Variants in GNL3L observed in about 807,000 individuals in gnomAD.
GNL3L encodes G protein nucleolar 3 like, also known as guanine nucleotide-binding protein-like 3-like protein.
A neutral mutation model predicts 42.9 loss-of-function variants in GNL3L; 4 were observed. The observed-to-expected ratio is 0.09, with a 90% CI of 0.05 to 0.21. The LOEUF (loss-of-function observed/expected upper bound fraction) is 0.21, where lower values mean the gene tolerates loss of function less well. Ranked by LOEUF, GNL3L falls within the 10% of genes least tolerant of loss-of-function variation. The pLI is 1.00. For missense variants in GNL3L, 412 were observed against 481.7 expected, an observed-to-expected ratio of 0.86 and a Z score of 1.36; for synonymous variants, 159 against 176.3, an observed-to-expected ratio of 0.90 and a Z score of 0.78.
At position 54,563,790 on chromosome X, in the gene GNL3L, A is replaced by G. The variant is rs1032026006; in HGVS notation, c.*3188A>G. Among the ~76,000 whole-genome samples the G allele has an allele frequency of 1.3e-4, 14 of 109,691 alleles. No homozygotes were observed. Among genetic ancestry groups the G allele is most frequent in the Admixed American group, 5.9e-4 (6 of 10,146 alleles). ...AACAGAGTGAGACTGTCTCAGGGGGAAAAAAAAAGAGGAAAACAAAAAAGA... is the reference window on the plus strand; with the variant it reads ...AACAGAGTGAGACTGTCTCAGGGGGGAAAAAAAAGAGGAAAACAAAAAAGA... On this transcript the variant is annotated 3_prime_UTR_variant, in exon 16 of 16. Coordinates refer to ENST00000360845, the MANE Select transcript of GNL3L (RefSeq NM_001184819.2).
intron 2 of GNL3L, among the ~76,000 whole-genome samples, chrX:54,535,675 A>G (rs1924401310): frequency 8.9e-6 from 1 of 111,737 alleles, no homozygotes; most frequent in South Asian, 3.7e-4. Flanking sequence ...TCCAACCCCC[A>G]TTACTTGATT....
chrX:54,555,437 C>T (rs1925063734), intron 14 of GNL3L, among the ~76,000 whole-genome samples: 1 of 109,619 alleles, frequency 9.1e-6, no homozygotes. Context: ...CCAGCCCTCA[C>T]TTACTTGGAC....
chrX:54,599,359 T>C (rs937387365), intron 16 of GNL3L, among the ~76,000 whole-genome samples: 1 of 111,711 alleles, frequency 9.0e-6, no homozygotes, highest in South Asian at 3.7e-4. Flanking sequence ...TGTTAAAATA[T>C]TTTCTTTAGG....
At chrX:54,628,212 G>GGTGTGTGT in the GNL3L span, among the ~76,000 whole-genome samples, 12 of 95,770 alleles carry the variant, frequency 1.3e-4, 1 homozygote, top group Admixed American at 3.5e-4. Flanking sequence ...AGTATTCCGT[G>GGTGTGTGT]GTGTGTGTGT....
At chrX:54,568,524 T>A (rs762159672), downstream of GNL3L, among the ~76,000 whole-genome samples, 1 of 110,631 alleles carries the variant, frequency 9.0e-6, no homozygotes, top group East Asian at 2.9e-4. Flanking sequence ...ATGGCTTCTT[T>A]CCTCATCTTC....
At chrX:54,578,309 T>G (rs1395884308) in intron 16 of GNL3L, among the ~76,000 whole-genome samples, 2 of 111,969 alleles carry the variant, frequency 1.8e-5, no homozygotes, top group Non-Finnish European at 3.8e-5. Flanking sequence ...GTCTGATTTA[T>G]TTCTCCTCAT....
chrX:54,587,408 A>G (rs1602002054), intron 16 of GNL3L, among the ~76,000 whole-genome samples: 1 of 111,455 alleles, frequency 9.0e-6, no homozygotes, highest in East Asian at 2.8e-4. Context: ...GCCTAATAAT[A>G]TTTGCTTTAT....
chrX:54,627,844 A>C, the GNL3L span, among the ~76,000 whole-genome samples: 1 of 109,944 alleles, frequency 9.1e-6, no homozygotes, highest in African/African-American at 3.3e-5. Flanking sequence ...CTTTATTATT[A>C]TTTTTATTTC....
chrX:54,620,978 A>G (rs971536949), exon 17 of GNL3L, among the ~76,000 whole-genome samples: 30 of 112,053 alleles, frequency 2.7e-4, no homozygotes, highest in African/African-American at 9.7e-4. Context: ...TTTCTGGGAG[A>G]AAAACTTTAT....
At chrX:54,643,970 A>T in the GNL3L span, among the ~76,000 whole-genome samples, 2 of 112,440 alleles carry the variant, frequency 1.8e-5, no homozygotes, top group Non-Finnish European at 3.8e-5. Flanking sequence ...GCTGAATAAT[A>T]TTCAATTATG....
In GNL3L at chrX:54,580,105, G is replaced by A. The variant is rs757458169; in HGVS notation, c.*45+19458G>A. The stretch of plus-strand genomic sequence containing the variant: ...GTTGGTGTGCTGCACCCATTAACTC[G>A]TCATTTAACATTAGGTATATCTCCT... On this transcript the variant is annotated intron_variant, in intron 16 of 16. Coordinates refer to the GNL3L transcript ENST00000674498. Among the ~76,000 whole-genome samples, 138 of 97,620 alleles carry A rather than the reference G, an allele frequency of 1.4e-3. 1 individual carries two copies. The highest frequency in any genetic ancestry group is 6.0e-3 in the Middle Eastern group (1 of 167). 84.8% of individuals were successfully genotyped at this position (97,620 alleles called of 115,157 possible).
At chrX:54,589,344 TA>T (rs1256277256) in intron 16 of GNL3L, among the ~76,000 whole-genome samples, 4 of 111,021 alleles carry the variant, frequency 3.6e-5, no homozygotes, top group Middle Eastern at 8.4e-3. Flanking sequence ...AAAATAGTCT[TA>T]TTTTTTTTTG....
At chrX:54,642,529 CTT>C in the GNL3L span, among the ~76,000 whole-genome samples, 2 of 110,655 alleles carry the variant, frequency 1.8e-5, no homozygotes, top group African/African-American at 6.6e-5. Context: ...TGTTCCTTCT[CTT>C]TATTTAAAAA....
intron 16 of GNL3L, among the ~76,000 whole-genome samples, chrX:54,589,718 C>G (rs1602002591): frequency 9.0e-6 from 1 of 111,307 alleles, no homozygotes; most frequent in African/African-American, 3.3e-5. Flanking sequence ...GATATCTCTT[C>G]CTTATACTGA....
chrX:54,593,694 A>G (rs1410312168), intron 16 of GNL3L, among the ~76,000 whole-genome samples: 1 of 109,949 alleles, frequency 9.1e-6, no homozygotes, highest in Non-Finnish European at 1.9e-5. Context: ...TGCATCAGTA[A>G]GTTGTTTAAG....
At chrX:54,623,869 CTT>C (rs1459051479), downstream of GNL3L, among the ~76,000 whole-genome samples, 5 of 109,673 alleles carry the variant, frequency 4.6e-5, no homozygotes, top group Non-Finnish European at 9.5e-5. Context: ...TACTCTGTAA[CTT>C]TGCTGAATTT....
At chrX:54,541,120 A>G (rs1025507143) in intron 4 of GNL3L, among the ~76,000 whole-genome samples, 153 bp from the exon 5 acceptor site, 1 of 110,622 alleles carries the variant, frequency 9.0e-6, no homozygotes, top group Non-Finnish European at 1.9e-5. Flanking sequence ...TCTTCTTCTC[A>G]AACCCTCATC....
chrX:54,643,353 T>C, the GNL3L span, among the ~76,000 whole-genome samples: 1 of 111,697 alleles, frequency 9.0e-6, no homozygotes, highest in African/African-American at 3.2e-5. Context: ...CTTTTGTCTT[T>C]GCTTGTGGTA....
the GNL3L span, among the ~76,000 whole-genome samples, chrX:54,634,952 A>T: frequency 1.3e-4 from 14 of 107,301 alleles, no homozygotes; most frequent in Non-Finnish European, 1.3e-4. Context: ...CCACCATGCC[A>T]AGCTAATTTT....
Sources: allele counts gnomAD v4.1 joint callset (sites outside exome capture counted in the v4.1 genomes callset), GRCh38; gene constraint gnomAD v4.1.1; transcripts MANE v1.5; gene names NCBI Gene and HGNC (gene_info 2026-07-23, HGNC 2026-07-21).